GRIN2A: variants seen among roughly 807,000 people sequenced by gnomAD.
GRIN2A encodes the protein glutamate ionotropic receptor NMDA type subunit 2A.
A neutral mutation model predicts 113.4 loss-of-function variants in GRIN2A; 22 were observed. That is an observed-to-expected ratio of 0.19 (90% CI 0.14 to 0.28). The LOEUF is 0.28. Ranked by LOEUF, GRIN2A falls within the 10% of genes least tolerant of loss-of-function variation. The pLI is 1.00. For synonymous variants in GRIN2A, 827 were observed against 738.4 expected (o/e 1.12, Z -1.94); for missense variants, 1,502 against 1,887.0 (o/e 0.80, Z 3.78).
chr16:9,910,103 T>C (rs2044104494), intron 3 of GRIN2A, among the ~76,000 whole-genome samples: 1 of 152,198 alleles, frequency 6.6e-6, no homozygotes, highest in Non-Finnish European at 1.5e-5. Flanking sequence ...CCATCAAATG[T>C]CTGTTGATGG....
In GRIN2A at chr16:10,180,560, G is replaced by C. The variant is rs533400352; in HGVS notation, c.-18-131C>G. On this transcript the variant is annotated intron_variant, in intron 1 of 12. Coordinates refer to ENST00000330684, the MANE Select transcript of GRIN2A (RefSeq NM_001134407.3). The surrounding 1 kb of genome is among the most constrained non-coding windows in gnomAD (Gnocchi z 7.0). The stretch of plus-strand genomic sequence containing the variant: ...AGCAGGATAGGCTGCTGGGATCACG[G>C]ACTCCATTCCGAGTCCCCGACGCCA... 1 of 1,480,940 alleles carries C rather than the reference G, an allele frequency of 6.8e-7. No homozygotes were observed. Among genetic ancestry groups the C allele is most frequent in the Non-Finnish European group, 8.9e-7 (1 of 1,118,142 alleles). 91.7% of individuals were successfully genotyped at this position (1,480,940 alleles called of 1,614,324 possible).
At chr16:9,768,415 G>C (rs766198444) in intron 12 of GRIN2A, among the ~76,000 whole-genome samples, 1 of 152,188 alleles carries the variant, frequency 6.6e-6, no homozygotes, top group South Asian at 2.1e-4. Context: ...AACAAAATCA[G>C]ATGACATTTT....
intron 11 of GRIN2A, among the ~76,000 whole-genome samples, chr16:9,776,098 C>A (rs1596391294): frequency 1.3e-5 from 2 of 152,244 alleles, no homozygotes; most frequent in East Asian, 3.9e-4. Context: ...TAAACTGTCA[C>A]CAATATCATA....
intron 2 of GRIN2A, among the ~76,000 whole-genome samples, chr16:9,995,296 G>C (rs1385097867): frequency 6.6e-6 from 1 of 152,198 alleles, no homozygotes; most frequent in African/African-American, 2.4e-5. Flanking sequence ...AACAGCACAA[G>C]CCAGATGTGG....
At chr16:9,984,083 CT>C (rs1245048155) in intron 2 of GRIN2A, among the ~76,000 whole-genome samples, 1 of 152,136 alleles carries the variant, frequency 6.6e-6, no homozygotes, top group Non-Finnish European at 1.5e-5. Context: ...TTGATAATAT[CT>C]TTTCTGAGCT....
At chr16:10,127,092 T>C (rs1328892417) in intron 2 of GRIN2A, among the ~76,000 whole-genome samples, 1 of 152,142 alleles carries the variant, frequency 6.6e-6, no homozygotes, top group African/African-American at 2.4e-5. Context: ...GGCCAAGAAT[T>C]TCTCTCATGA....
intron 2 of GRIN2A, among the ~76,000 whole-genome samples, chr16:10,169,984 G>A (rs1349135305): frequency 2.0e-5 from 3 of 152,044 alleles, no homozygotes; most frequent in African/African-American, 7.3e-5. Context: ...CAAATAAAAA[G>A]TCTGTATTTG....
At chr16:9,775,813 C>A (rs1049498265) in intron 11 of GRIN2A, among the ~76,000 whole-genome samples, 2 of 152,184 alleles carry the variant, frequency 1.3e-5, no homozygotes, top group African/African-American at 4.8e-5. Flanking sequence ...AGTCATGGCC[C>A]CCTGATTGGA....
intron 2 of GRIN2A, chr16:10,111,333 G>A (rs895010340): frequency 1.5e-5 from 6 of 389,246 alleles, no homozygotes; most frequent in Non-Finnish European, 2.4e-5. Context: ...CGGCAGCAGC[G>A]GCAGGCGGCC....
In GRIN2A at chr16:9,888,719, C is replaced by T. The variant is rs548278121; in HGVS notation, c.1122+2267G>A. Among the ~76,000 whole-genome samples, 9 of 151,646 alleles carry T rather than the reference C, an allele frequency of 5.9e-5. No homozygotes were observed. In the East Asian group the frequency reaches 9.7e-4, roughly 16 times the overall value. Reference sequence around the variant, plus strand: ...GTCAAATAAAGCATCTCATGATATGCGTATGTGCATATAATATATATAAAT... The same window carrying T: ...GTCAAATAAAGCATCTCATGATATGTGTATGTGCATATAATATATATAAAT... On this transcript the variant is annotated intron_variant, in intron 4 of 12. Transcript: ENST00000330684.
intron 2 of GRIN2A, among the ~76,000 whole-genome samples, chr16:9,985,642 A>G (rs2045966052): frequency 6.6e-6 from 1 of 152,118 alleles, no homozygotes; most frequent in South Asian, 2.1e-4. Flanking sequence ...AAAAAAAAAA[A>G]TTAAAACAAT....
chr16:10,026,102 A>C (rs1221642968), intron 2 of GRIN2A, among the ~76,000 whole-genome samples: 2 of 152,138 alleles, frequency 1.3e-5, no homozygotes, highest in African/African-American at 2.4e-5. Context: ...AAAAATAAAA[A>C]AATATCTAGA....
At chr16:10,001,539 C>A (rs962879742) in intron 2 of GRIN2A, among the ~76,000 whole-genome samples, 9 of 152,180 alleles carry the variant, frequency 5.9e-5, no homozygotes, top group African/African-American at 1.9e-4. Flanking sequence ...GATGCCCCAT[C>A]GTGAACACAA....
At chr16:9,833,274 T>C (rs1312791581) in intron 8 of GRIN2A, among the ~76,000 whole-genome samples, 2 of 152,230 alleles carry the variant, frequency 1.3e-5, no homozygotes, top group African/African-American at 4.8e-5. Flanking sequence ...TGCACTAAGA[T>C]CAATGCATTT....
chr16:10,140,980 G>C (rs1452843149), intron 2 of GRIN2A, among the ~76,000 whole-genome samples: 1 of 152,036 alleles, frequency 6.6e-6, no homozygotes, highest in African/African-American at 2.4e-5. Context: ...GACTGCTTGA[G>C]CCCAGGAGTT....
At chr16:9,782,763 C>T (rs558028522) in intron 11 of GRIN2A, among the ~76,000 whole-genome samples, 5 of 152,268 alleles carry the variant, frequency 3.3e-5, no homozygotes, top group South Asian at 2.1e-4. Flanking sequence ...CAGATTAAAT[C>T]CCCTGGAGTT....
intron 11 of GRIN2A, among the ~76,000 whole-genome samples, chr16:9,795,017 T>C (rs1372344431): frequency 1.3e-5 from 2 of 151,340 alleles, no homozygotes; most frequent in Non-Finnish European, 1.5e-5. Flanking sequence ...ATGGTCATGA[T>C]GATGATGATG....
intron 2 of GRIN2A, among the ~76,000 whole-genome samples, chr16:10,075,851 A>T (rs1410011207): frequency 6.6e-6 from 1 of 152,192 alleles, no homozygotes; most frequent in East Asian, 1.9e-4. Flanking sequence ...AATATAATTA[A>T]TATGCTAAAA....
At chr16:9,828,207 A>G (rs2042423211) in intron 9 of GRIN2A, among the ~76,000 whole-genome samples, 1 of 152,202 alleles carries the variant, frequency 6.6e-6, no homozygotes, top group South Asian at 2.1e-4. Context: ...ATGGAGCAAG[A>G]GGAAGGAAAC....
Sources: gnomAD v4.1 joint callset for allele counts (sites outside exome capture counted in the v4.1 genomes callset) on GRCh38, gnomAD v4.1.1 for gene constraint, Gnocchi (gnomAD v3.1) non-coding constraint, MANE v1.5 for transcripts, NCBI Gene and HGNC (gene_info 2026-07-23, HGNC 2026-07-21) for gene names.